GRHPR: variants seen among roughly 807,000 people sequenced by gnomAD.
GRHPR encodes glyoxylate reductase/hydroxypyruvate reductase.
Under a neutral mutation model 36.8 loss-of-function variants are expected in GRHPR, and 35 were observed. The ratio of observed to expected loss-of-function variants is 0.95; its 90% CI spans 0.73 to 1.26. GRHPR has a LOEUF of 1.26. GRHPR is among the 50% of genes most tolerant of loss of function. GRHPR has a pLI of 0.00. For missense variants in GRHPR, 380 were observed against 435.0 expected, an observed-to-expected ratio of 0.87 and a Z score of 1.12; for synonymous variants, 179 against 181.0, an observed-to-expected ratio of 0.99 and a Z score of 0.09.
chr9:37,438,869 C>T (rs1823791323), downstream of GRHPR: 1 of 152,226 alleles, frequency 6.6e-6, no homozygotes, highest in South Asian at 2.1e-4. Flanking sequence ...TCCCTTTGGG[C>T]TTTTCTTCCT....
chr9:37,424,872 TGAGCCCATCCCTGCCAAG>T lies in GRHPR; in HGVS notation c.116_133del (p.Pro39_Glu44del), dbSNP rs1195078278. On this transcript the variant is annotated inframe_deletion, in exon 2 of 9. Coordinates refer to ENST00000318158, the MANE Select transcript of GRHPR (RefSeq NM_012203.2). ...GTGAGGTGGAGCAGTGGGACTCGGA[TGAGCCCATCCCTGCCAAG>T]GAGCTAGAGCGAGGTGTGGCGGGGG... The T allele has an allele frequency of 6.2e-7, 1 of 1,613,466 alleles. No individual in the cohort carries two copies. Among genetic ancestry groups the T allele is most frequent in the Admixed American group, 1.7e-5 (1 of 60,022 alleles).
chr9:37,432,367 T>C (rs567329611), intron 8 of GRHPR: 3 of 489,642 alleles, frequency 6.1e-6, no homozygotes, highest in Non-Finnish European at 1.1e-5. Flanking sequence ...AGAATGTAGG[T>C]GTGAGTGGAT....
intron 7 of GRHPR, 130 bp downstream of exon 7, chr9:37,430,776 C>T: frequency 2.4e-6 from 2 of 837,474 alleles, no homozygotes; most frequent in South Asian, 2.9e-5. Context: ...ATAAACCAAA[C>T]AACCAACTCA....
At chr9:37,429,859 C>T in intron 6 of GRHPR, 23 bp downstream of exon 6, 1 of 1,355,634 alleles carries the variant, frequency 7.4e-7, no homozygotes, top group African/African-American at 1.4e-5. Flanking sequence ...TTGATTTCCA[C>T]AGGAGCCTAT....
chr9:37,422,877 A>G (rs541758347), intron 1 of GRHPR, 44 bp downstream of exon 1: 305 of 1,409,334 alleles, frequency 2.2e-4, no homozygotes, highest in Non-Finnish European at 2.7e-4. Flanking sequence ...GGGCGGTCCC[A>G]GGGACCGGAG....
At chr9:37,423,740 CT>C (rs1481538967) in intron 1 of GRHPR, among the ~76,000 whole-genome samples, 2 of 152,194 alleles carry the variant, frequency 1.3e-5, no homozygotes, top group Non-Finnish European at 2.9e-5. Context: ...TCCCAAAGTG[CT>C]GGGATTACAG....
chr9:37,429,113 G>A (rs1218231153), intron 5 of GRHPR: 1 of 286,900 alleles, frequency 3.5e-6, no homozygotes, highest in Non-Finnish European at 6.8e-6. Flanking sequence ...ATCCTGCCTG[G>A]TGCAGGGGTG....
chr9:37,430,104 G>A, intron 6 of GRHPR: 2 of 553,944 alleles, frequency 3.6e-6, no homozygotes. Context: ...TGTGGGCGGA[G>A]CAGCGGGGAT....
chr9:37,437,958 G>A (rs1273808757), downstream of GRHPR, among the ~76,000 whole-genome samples: 2 of 152,222 alleles, frequency 1.3e-5, no homozygotes, highest in Non-Finnish European at 2.9e-5. Context: ...GGGGAAGGCA[G>A]AAGGGAATGA....
chr9:37,430,016 A>G, intron 6 of GRHPR, 180 bp downstream of exon 6: 1 of 661,986 alleles, frequency 1.5e-6, no homozygotes, highest in Non-Finnish European at 2.7e-6. Flanking sequence ...GAGCACAGGG[A>G]CTTACCCAGG....
At chr9:37,437,917 G>GC (rs1823748469), downstream of GRHPR, among the ~76,000 whole-genome samples, 1 of 152,172 alleles carries the variant, frequency 6.6e-6, no homozygotes, top group South Asian at 2.1e-4. Context: ...AAAATCTCAT[G>GC]CATGTGCGTA....
At chr9:37,425,878 G>A in intron 2 of GRHPR, 44 bp from the exon 3 acceptor site, 3 of 1,358,956 alleles carry the variant, frequency 2.2e-6, no homozygotes, top group Non-Finnish European at 2.1e-6. Context: ...GTGGCTTTGA[G>A]TTCCTCGAGG....
intron 7 of GRHPR, 59 bp downstream of exon 7, chr9:37,430,705 T>C: frequency 1.3e-6 from 2 of 1,528,292 alleles, no homozygotes; most frequent in Non-Finnish European, 9.1e-7. Context: ...ACTGCTGCCA[T>C]CTGGAGATTT....
rs1823280687 is a variant in GRHPR, at chr9:37,429,959, C to A, written c.598+123C>A. 5.6e-6 allele frequency: 4 copies of A among 713,146 alleles called. No individual in the cohort carries two copies. In the South Asian group the frequency reaches 5.9e-5, roughly 10 times the overall value. The allele number at this position is 713,146 out of a possible 1,614,324, so 44.2% of individuals were successfully genotyped here. A position where few individuals can be genotyped will look rare whatever the true frequency, so the allele number is the denominator to read the frequency against. On this transcript the variant is annotated intron_variant, in intron 6 of 8. Transcript: ENST00000318158. ...TCCAGGCATGTCCAGGGGCTGCTGT[C>A]TGGTAGATGTTTAATCTACCTGCCC...
intron 3 of GRHPR, 75 bp downstream of exon 3, chr9:37,426,069 T>C: frequency 9.9e-7 from 1 of 1,005,786 alleles, no homozygotes; most frequent in Admixed American, 1.7e-5. Context: ...TGTTGATTTG[T>C]TTTTACTGCA....
intron 1 of GRHPR, among the ~76,000 whole-genome samples, chr9:37,423,776 C>A (rs1822952690): frequency 6.6e-6 from 1 of 152,238 alleles, no homozygotes; most frequent in Non-Finnish European, 1.5e-5. Context: ...ACCTGGCCCA[C>A]CCTTGCTAAA....
chr9:37,436,626 T>A (rs1204029031), intron 8 of GRHPR, 35 bp from the exon 9 acceptor site: 3 of 1,608,572 alleles, frequency 1.9e-6, no homozygotes, highest in Non-Finnish European at 2.5e-6. Flanking sequence ...GAACCACCCT[T>A]CTTATCTCCC....
intron 7 of GRHPR, chr9:37,430,892 C>T (rs1489031048): frequency 3.3e-6 from 2 of 614,654 alleles, no homozygotes; most frequent in African/African-American, 1.8e-5. Flanking sequence ...CGGGGCCTGG[C>T]ACACAGCAGC....
chr9:37,422,650 G>T, upstream of GRHPR: 3 of 941,778 alleles, frequency 3.2e-6, no homozygotes, highest in South Asian at 2.8e-5. Flanking sequence ...CGCCGCGCGC[G>T]ACGTCTCTCC....
Sources: gnomAD v4.1 joint callset for allele counts (sites outside exome capture counted in the v4.1 genomes callset) on GRCh38, gnomAD v4.1.1 for gene constraint, MANE v1.5 for transcripts, NCBI Gene and HGNC (gene_info 2026-07-23, HGNC 2026-07-21) for gene names.